The following CACNA2D1 variants were observed in gnomAD, a reference collection of about 807,000 sequenced individuals.
The protein encoded by CACNA2D1 is calcium voltage-gated channel auxiliary subunit alpha2delta 1, also known as voltage-dependent calcium channel subunit alpha-2/delta-1.
Under a neutral mutation model 171.5 loss-of-function variants are expected in CACNA2D1, and 53 were observed. The ratio of observed to expected loss-of-function variants is 0.31; its 90% CI spans 0.25 to 0.39. CACNA2D1 has a LOEUF of 0.39. Among genes scored for constraint, CACNA2D1 ranks in the 10% least tolerant of loss-of-function variants. The pLI, the probability that CACNA2D1 is intolerant of heterozygous loss-of-function variation, is 1.00. For synonymous variants in CACNA2D1, 442 were observed against 443.1 expected, an observed-to-expected ratio of 1.00 and a Z score of 0.03; for missense variants, 903 against 1,299.8, an observed-to-expected ratio of 0.69 and a Z score of 4.69.
At chr7:82,008,976 G>C (rs1233626419) in intron 15 of CACNA2D1, among the ~76,000 whole-genome samples, 1 of 151,940 alleles carries the variant, frequency 6.6e-6, no homozygotes, top group Non-Finnish European at 1.5e-5. Context: ...TACATATTTG[G>C]GTGCATGATG....
chr7:82,348,529 C>G (rs1194262098), intron 2 of CACNA2D1, among the ~76,000 whole-genome samples: 1 of 152,126 alleles, frequency 6.6e-6, no homozygotes, highest in Admixed American at 6.6e-5. Context: ...GCAGGGAACA[C>G]CTTTCATTTC....
At chr7:82,148,639 T>C (rs1391797588) in intron 4 of CACNA2D1, among the ~76,000 whole-genome samples, 2 of 152,134 alleles carry the variant, frequency 1.3e-5, no homozygotes, top group African/African-American at 4.8e-5. Flanking sequence ...TGGACAACCT[T>C]GTTTTTTGTT....
intron 4 of CACNA2D1, among the ~76,000 whole-genome samples, chr7:82,157,410 C>T (rs1043248229): frequency 6.6e-6 from 1 of 151,898 alleles, no homozygotes; most frequent in African/African-American, 2.4e-5. Flanking sequence ...CTTTTTCCAC[C>T]ATATCCATGT....
chr7:82,139,706 T>C (rs1026395581), intron 4 of CACNA2D1, among the ~76,000 whole-genome samples: 2 of 151,978 alleles, frequency 1.3e-5, no homozygotes, highest in African/African-American at 2.4e-5. Context: ...TATATATTAG[T>C]TATAAAATTA....
intron 10 of CACNA2D1, among the ~76,000 whole-genome samples, chr7:82,040,088 G>GTCCCT (rs1342160253): frequency 6.6e-5 from 10 of 152,146 alleles, no homozygotes; most frequent in Non-Finnish European, 1.5e-4. Context: ...GTAATCAGAA[G>GTCCCT]GCTTTGCAGT....
intron 3 of CACNA2D1, among the ~76,000 whole-genome samples, chr7:82,324,925 C>T (rs1002352510): frequency 2.0e-5 from 3 of 152,070 alleles, no homozygotes; most frequent in Admixed American, 1.3e-4. Context: ...ATGTTATAAA[C>T]CATATATTAA....
intron 12 of CACNA2D1, among the ~76,000 whole-genome samples, chr7:82,025,080 C>T (rs151278845): frequency 9.7e-4 from 147 of 151,690 alleles, no homozygotes; most frequent in East Asian, 7.0e-3. Context: ...AGGTGTGATG[C>T]CTCCAGCTTT....
chr7:82,084,376 T>C (rs2059037), intron 7 of CACNA2D1, among the ~76,000 whole-genome samples: 21,709 of 152,208 alleles, frequency 0.14, 1,649 homozygotes, highest in Middle Eastern at 0.26. Flanking sequence ...ATTAAACTTT[T>C]GTTACAAATT....
chr7:82,398,340 CAT>C (rs1404393114), intron 1 of CACNA2D1, among the ~76,000 whole-genome samples: 2 of 152,312 alleles, frequency 1.3e-5, no homozygotes, highest in African/African-American at 4.8e-5. Flanking sequence ...AACATCATTC[CAT>C]TCAGGAATGT....
intron 3 of CACNA2D1, among the ~76,000 whole-genome samples, chr7:82,281,393 G>C (rs1810080148): frequency 1.3e-5 from 2 of 152,226 alleles, no homozygotes; most frequent in Admixed American, 1.3e-4. Context: ...ACACAAAGGA[G>C]AGGGGTGGAC....
At chr7:82,159,102 T>C (rs1434720729) in intron 4 of CACNA2D1, among the ~76,000 whole-genome samples, 1 of 151,996 alleles carries the variant, frequency 6.6e-6, no homozygotes, top group East Asian at 1.9e-4. Context: ...AATCAGATGC[T>C]GCATATATTT....
At chr7:81,997,664 TAA>T (rs34518880) in intron 18 of CACNA2D1, among the ~76,000 whole-genome samples, 55 of 139,968 alleles carry the variant, frequency 3.9e-4, no homozygotes, top group African/African-American at 9.7e-4. Flanking sequence ...TTAAAATTTG[TAA>T]AAAAAAAAAA....
intron 1 of CACNA2D1, among the ~76,000 whole-genome samples, chr7:82,431,106 T>G (rs891160760): frequency 3.3e-5 from 5 of 152,156 alleles, no homozygotes; most frequent in African/African-American, 1.2e-4. Flanking sequence ...ACCCACCCTA[T>G]TCCACTTACA....
intron 10 of CACNA2D1, among the ~76,000 whole-genome samples, chr7:82,040,087 A>C (rs1005461050): frequency 5.3e-5 from 8 of 152,174 alleles, no homozygotes; most frequent in Non-Finnish European, 1.0e-4. Flanking sequence ...AGTAATCAGA[A>C]GGCTTTGCAG....
At chr7:82,124,037 G>A (rs1222864445) in intron 5 of CACNA2D1, among the ~76,000 whole-genome samples, 1 of 151,896 alleles carries the variant, frequency 6.6e-6, no homozygotes, top group Non-Finnish European at 1.5e-5. Context: ...GAAGCAAAAA[G>A]AACCAAAGCA....
intron 1 of CACNA2D1, among the ~76,000 whole-genome samples, chr7:82,417,735 G>A (rs1394357824): frequency 6.6e-6 from 1 of 152,122 alleles, no homozygotes; most frequent in Non-Finnish European, 1.5e-5. Context: ...TAGAATACAC[G>A]TTTACCAAAT....
chr7:81,959,471 T>G, intron 37 of CACNA2D1, 114 bp from the exon 38 acceptor site: 1 of 804,344 alleles, frequency 1.2e-6, no homozygotes, highest in Non-Finnish European at 2.1e-6. Context: ...ACATCATTAC[T>G]CTCATCCAAC....
chr7:82,416,593 C>G (rs566432847), intron 1 of CACNA2D1, among the ~76,000 whole-genome samples: 38 of 152,278 alleles, frequency 2.5e-4, no homozygotes, highest in African/African-American at 8.7e-4. Flanking sequence ...ATAACTCCAG[C>G]CTTCACATGC....
In CACNA2D1 at chr7:82,172,784, TAA is replaced by T. The variant is rs767526951; in HGVS notation, c.295-2177_295-2176del. Among the ~76,000 whole-genome samples, 955 of 135,384 alleles carry T rather than the reference TAA, an allele frequency of 7.1e-3. 12 individuals are homozygous for T. Among genetic ancestry groups the T allele is most frequent in the African/African-American group, 0.024 (870 of 36,730 alleles). 88.8% of individuals were successfully genotyped at this position (135,384 alleles called of 152,430 possible). A position where few individuals can be genotyped will look rare whatever the true frequency, so the allele number is the denominator to read the frequency against. On this transcript the variant is annotated intron_variant, in intron 3 of 38. Transcript: ENST00000356860. ...TTTGCAATGTAAATCTTCCCCCATT[TAA>T]AAAAAAAAAAAAGCAGTATAATAAT...
Sources: gnomAD v4.1 joint callset for allele counts (sites outside exome capture counted in the v4.1 genomes callset) on GRCh38, gnomAD v4.1.1 for gene constraint, MANE v1.5 for transcripts, NCBI Gene and HGNC (gene_info 2026-07-23, HGNC 2026-07-21) for gene names.